FSTL5: variants seen among roughly 807,000 people sequenced by gnomAD.
FSTL5 encodes the protein follistatin like 5, also known as follistatin-related protein 5.
FSTL5 carries 62 observed loss-of-function variants against 89.1 expected under a neutral mutation model. That is an observed-to-expected ratio of 0.70 (90% CI 0.57 to 0.86). The LOEUF (loss-of-function observed/expected upper bound fraction) is 0.86. FSTL5 is among the 40% of genes least tolerant of loss of function. The pLI, the probability that FSTL5 is intolerant of heterozygous loss-of-function variation, is 0.00. For missense variants in FSTL5, 1,057 were observed against 1,001.6 expected, an observed-to-expected ratio of 1.06 and a Z score of -0.75; for synonymous variants, 383 against 346.2, an observed-to-expected ratio of 1.11 and a Z score of -1.18.
At chr4:161,857,827 G>A (rs1441598707) in intron 4 of FSTL5, among the ~76,000 whole-genome samples, 1 of 151,930 alleles carries the variant, frequency 6.6e-6, no homozygotes, top group Non-Finnish European at 1.5e-5. Flanking sequence ...CCTTGATTTG[G>A]GGGTTTATAT....
At chr4:162,007,534 G>A (rs990675461) in intron 3 of FSTL5, among the ~76,000 whole-genome samples, 10 of 151,668 alleles carry the variant, frequency 6.6e-5, no homozygotes, top group African/African-American at 2.4e-4. Context: ...TACATTTTAT[G>A]TCATTTGGTA....
At chr4:161,886,351 G>C (rs1286086451) in intron 4 of FSTL5, among the ~76,000 whole-genome samples, 1 of 152,156 alleles carries the variant, frequency 6.6e-6, no homozygotes, top group Non-Finnish European at 1.5e-5. Context: ...TGTGTGTGGA[G>C]TTTAGAATAA....
At chr4:161,662,416 T>A (rs925437171) in intron 6 of FSTL5, among the ~76,000 whole-genome samples, 49 of 152,230 alleles carry the variant, frequency 3.2e-4, no homozygotes, top group African/African-American at 1.2e-3. Context: ...GGTTAGACAT[T>A]TTTACCATAA....
chr4:161,836,514 G>C (rs1027340896), intron 4 of FSTL5, among the ~76,000 whole-genome samples: 5 of 151,660 alleles, frequency 3.3e-5, no homozygotes, highest in African/African-American at 1.2e-4. Context: ...TCCTGCACAA[G>C]CACACAGTGC....
At chr4:161,851,403 T>C (rs1460250711) in intron 4 of FSTL5, among the ~76,000 whole-genome samples, 1 of 152,196 alleles carries the variant, frequency 6.6e-6, no homozygotes, top group Non-Finnish European at 1.5e-5. Context: ...CAGTTGTGTC[T>C]GGTTAACTAC....
At chr4:161,920,920 T>C (rs1389928681) in intron 3 of FSTL5, among the ~76,000 whole-genome samples, 1 of 152,108 alleles carries the variant, frequency 6.6e-6, no homozygotes, top group Admixed American at 6.6e-5. Context: ...ACAAGGTCTG[T>C]AAAGCTAAAT....
intron 12 of FSTL5, among the ~76,000 whole-genome samples, chr4:161,494,347 G>A (rs947440995): frequency 6.6e-6 from 1 of 152,158 alleles, no homozygotes; most frequent in Non-Finnish European, 1.5e-5. Context: ...GAAATGAATT[G>A]TTTGCATCAT....
At chr4:161,751,193 C>T (rs574567568) in intron 6 of FSTL5, among the ~76,000 whole-genome samples, 3 of 151,874 alleles carry the variant, frequency 2.0e-5, no homozygotes, top group African/African-American at 4.8e-5. Context: ...AAATGAAGGA[C>T]GGAGTTATTT....
chr4:161,679,834 A>G (rs1174025181), intron 6 of FSTL5, among the ~76,000 whole-genome samples: 1 of 151,848 alleles, frequency 6.6e-6, no homozygotes, highest in East Asian at 1.9e-4. Flanking sequence ...TTTTGAAACA[A>G]TGAAGGGTCA....
intron 6 of FSTL5, 48 bp downstream of exon 6, chr4:161,759,363 A>G: frequency 1.3e-6 from 2 of 1,551,938 alleles, no homozygotes; most frequent in Non-Finnish European, 1.7e-6. Context: ...TGTGTAAAGC[A>G]ACAGGAAAAA....
At chr4:161,790,715 A>C (rs577068199) in intron 4 of FSTL5, among the ~76,000 whole-genome samples, 1 of 152,344 alleles carries the variant, frequency 6.6e-6, no homozygotes, top group South Asian at 2.1e-4. Flanking sequence ...TTAAAGAAAA[A>C]AATTGCTAGA....
chr4:162,105,768 A>T (rs1416469473), intron 2 of FSTL5, among the ~76,000 whole-genome samples: 1 of 152,162 alleles, frequency 6.6e-6, no homozygotes, highest in African/African-American at 2.4e-5. Flanking sequence ...CCTCTGACCG[A>T]GGACATATTT....
intron 3 of FSTL5, among the ~76,000 whole-genome samples, chr4:161,963,205 A>G (rs1256423145): frequency 2.0e-5 from 3 of 151,982 alleles, no homozygotes; most frequent in African/African-American, 7.2e-5. Flanking sequence ...CAAAATATCT[A>G]TGAAATAATT....
chr4:162,085,622 T>G (rs1730286965), intron 2 of FSTL5, among the ~76,000 whole-genome samples: 2 of 152,088 alleles, frequency 1.3e-5, no homozygotes, highest in African/African-American at 4.8e-5. Flanking sequence ...ATTAGCCAGG[T>G]GTTACATCAC....
intron 12 of FSTL5, among the ~76,000 whole-genome samples, chr4:161,499,419 C>CT (rs1730218559): frequency 6.6e-6 from 1 of 152,004 alleles, no homozygotes. Flanking sequence ...AATGTTTTTC[C>CT]TTTTTTTCAT....
chr4:161,817,043 T>C (rs994785978), intron 4 of FSTL5, among the ~76,000 whole-genome samples: 5 of 152,274 alleles, frequency 3.3e-5, no homozygotes, highest in East Asian at 1.9e-4. Flanking sequence ...AGTAAGCAAA[T>C]TGACATATCA....
At chr4:161,827,553 G>C (rs1473758433) in intron 4 of FSTL5, among the ~76,000 whole-genome samples, 1 of 152,200 alleles carries the variant, frequency 6.6e-6, no homozygotes, top group Non-Finnish European at 1.5e-5. Context: ...ACCAGGGCTG[G>C]TAGAGAAAGA....
chr4:161,929,521 T>C (rs1203049395), intron 3 of FSTL5, among the ~76,000 whole-genome samples: 2 of 151,674 alleles, frequency 1.3e-5, no homozygotes, highest in African/African-American at 4.8e-5. Flanking sequence ...TTTTCAATTG[T>C]GTGATATTTA....
At chr4:161,430,645 C>T (rs1341818182) in intron 15 of FSTL5, among the ~76,000 whole-genome samples, 1 of 152,138 alleles carries the variant, frequency 6.6e-6, no homozygotes, top group African/African-American at 2.4e-5. Context: ...GAAGCTGAGG[C>T]AGGAGAATGG....
Sources: gnomAD v4.1 joint callset for allele counts (sites outside exome capture counted in the v4.1 genomes callset) on GRCh38, gnomAD v4.1.1 for gene constraint, MANE v1.5 for transcripts, NCBI Gene and HGNC (gene_info 2026-07-23, HGNC 2026-07-21) for gene names.